Variants in ELAVL4 observed in about 807,000 individuals in gnomAD.
ELAVL4 encodes ELAV-like protein 4.
ELAVL4 carries 1 observed loss-of-function variant against 35.6 expected under a neutral mutation model. That is an observed-to-expected ratio of 0.03 (90% CI 0.01 to 0.13). ELAVL4 has a LOEUF of 0.13. Among genes scored for constraint, ELAVL4 ranks in the 10% least tolerant of loss-of-function variants. The probability of loss-of-function intolerance (pLI) is 1.00; values close to 1 mark genes in which losing one functional copy is unlikely to be tolerated. For synonymous variants in ELAVL4, 156 were observed against 171.0 expected (o/e 0.91, Z 0.69); for missense variants, 267 against 464.9 (o/e 0.57, Z 3.91).
intron 1 of ELAVL4, among the ~76,000 whole-genome samples, chr1:50,110,382 GA>G (rs1226499103): frequency 6.6e-6 from 1 of 152,168 alleles, no homozygotes; most frequent in African/African-American, 2.4e-5. Context: ...GGATGGGAAT[GA>G]GGGGTGGAGG....
At chr1:50,128,732 AG>A (rs1383390127) in intron 1 of ELAVL4, among the ~76,000 whole-genome samples, 32 of 152,122 alleles carry the variant, frequency 2.1e-4, no homozygotes, top group Admixed American at 2.1e-3. Context: ...AGTGTGGCAC[AG>A]GAGAGAACAC....
chr1:50,062,135 A>G (rs1557681415), intron 1 of ELAVL4, among the ~76,000 whole-genome samples: 3 of 152,152 alleles, frequency 2.0e-5, no homozygotes, highest in Non-Finnish European at 2.9e-5. Flanking sequence ...TATCCTTTGT[A>G]TCCCAGAAAC....
At chr1:50,153,271 T>A (rs148444720) in intron 2 of ELAVL4, among the ~76,000 whole-genome samples, 3 of 152,326 alleles carry the variant, frequency 2.0e-5, no homozygotes, top group Non-Finnish European at 4.4e-5. Context: ...GGATTCATAA[T>A]GATACAATGA....
chr1:50,184,514 A>G (rs1040269096), intron 3 of ELAVL4, among the ~76,000 whole-genome samples: 2 of 152,054 alleles, frequency 1.3e-5, no homozygotes, highest in Non-Finnish European at 2.9e-5. Flanking sequence ...CTAGTGTCTT[A>G]TGTCCCATTC....
intron 3 of ELAVL4, among the ~76,000 whole-genome samples, chr1:50,191,815 A>C (rs1265042710): frequency 6.6e-6 from 1 of 152,306 alleles, no homozygotes; most frequent in East Asian, 1.9e-4. Context: ...CAAAGGTATA[A>C]AGGTGGTAGG....
At chr1:50,127,059 T>G (rs753033860) in intron 1 of ELAVL4, among the ~76,000 whole-genome samples, 1 of 151,992 alleles carries the variant, frequency 6.6e-6, no homozygotes, top group Non-Finnish European at 1.5e-5. Flanking sequence ...AAAAAAGCAT[T>G]TTAAAATAAA....
At chr1:50,143,330 T>C (rs1024638857) in intron 1 of ELAVL4, among the ~76,000 whole-genome samples, 6 of 152,228 alleles carry the variant, frequency 3.9e-5, no homozygotes, top group Admixed American at 3.9e-4. Flanking sequence ...AAGCTACTAG[T>C]TATCAGATGT....
At chr1:50,185,313 G>C (rs1258027287) in intron 3 of ELAVL4, among the ~76,000 whole-genome samples, 2 of 152,182 alleles carry the variant, frequency 1.3e-5, no homozygotes, top group Non-Finnish European at 2.9e-5. Flanking sequence ...GGATGACCTT[G>C]GGCAACTTAC....
At chr1:50,149,795 G>T (rs753907042) in intron 2 of ELAVL4, among the ~76,000 whole-genome samples, 1 of 152,126 alleles carries the variant, frequency 6.6e-6, no homozygotes, top group Non-Finnish European at 1.5e-5. Flanking sequence ...GCCTGCCTCG[G>T]CCTCCCAACG....
chr1:50,065,130 A>AC (rs1454518931), intron 1 of ELAVL4, among the ~76,000 whole-genome samples: 2 of 151,978 alleles, frequency 1.3e-5, no homozygotes, highest in Non-Finnish European at 2.9e-5. Context: ...CAGTCTGCTC[A>AC]CCCCCCACCT....
chr1:50,185,977 C>A (rs932403319), intron 3 of ELAVL4, among the ~76,000 whole-genome samples: 2 of 152,094 alleles, frequency 1.3e-5, no homozygotes, highest in Non-Finnish European at 2.9e-5. Context: ...GGCCATGAGA[C>A]CTTTACACAG....
intron 2 of ELAVL4, among the ~76,000 whole-genome samples, chr1:50,173,026 C>T (rs181811704): frequency 3.9e-5 from 6 of 152,186 alleles, no homozygotes; most frequent in Non-Finnish European, 7.4e-5. Context: ...CCTCTTTTCC[C>T]CCTCTTCCCC....
intron 1 of ELAVL4, among the ~76,000 whole-genome samples, chr1:50,061,587 G>A (rs1420284708): frequency 6.6e-6 from 1 of 152,168 alleles, no homozygotes; most frequent in Non-Finnish European, 1.5e-5. Flanking sequence ...CCCTCATGGA[G>A]GTGCACCATT....
At chr1:50,169,427 C>A (rs1445623768) in intron 2 of ELAVL4, among the ~76,000 whole-genome samples, 1 of 152,108 alleles carries the variant, frequency 6.6e-6, no homozygotes, top group African/African-American at 2.4e-5. Context: ...AATCGCAACT[C>A]CACCCCCTAC....
At chr1:50,192,646 T>C (rs1049219051) in intron 3 of ELAVL4, among the ~76,000 whole-genome samples, 3 of 151,884 alleles carry the variant, frequency 2.0e-5, no homozygotes, top group African/African-American at 4.8e-5. Context: ...CGCTAAGGCA[T>C]ATAGGTCTCT....
rs376637760 is a variant in ELAVL4, at chr1:50,053,631, A to T, written c.18+5449A>T. Among the ~76,000 whole-genome samples, 52 of 152,254 alleles carry T rather than the reference A, an allele frequency of 3.4e-4. 1 individual carries two copies. In the South Asian group the frequency reaches 9.5e-3, roughly 28 times the overall value. ...TCTCAAAGTGCTGGGATTATAGGCA[A>T]GATTGATTGATAGATTCAGTGAATG... On this transcript the variant is annotated intron_variant, in intron 1 of 6. Transcript: ENST00000448907.
intron 3 of ELAVL4, chr1:50,179,707 T>G (rs1358608522): frequency 6.6e-6 from 1 of 152,210 alleles, no homozygotes; most frequent in Non-Finnish European, 1.5e-5. Context: ...CTAGTACATG[T>G]TTGTGAACTT....
At chr1:50,157,018 A>C (rs1675880022) in intron 2 of ELAVL4, among the ~76,000 whole-genome samples, 1 of 152,212 alleles carries the variant, frequency 6.6e-6, no homozygotes, top group Non-Finnish European at 1.5e-5. Flanking sequence ...AAAATATCAT[A>C]AGTTGAAAAT....
chr1:50,094,773 T>TAAATAAAC (rs1228105180), intron 1 of ELAVL4, among the ~76,000 whole-genome samples: 1 of 150,342 alleles, frequency 6.7e-6, no homozygotes, highest in Non-Finnish European at 1.5e-5. Flanking sequence ...AATAAATAAA[T>TAAATAAAC]AAATAAATTA....
Sources: gnomAD v4.1 joint callset for allele counts (sites outside exome capture counted in the v4.1 genomes callset) on GRCh38, gnomAD v4.1.1 for gene constraint, MANE v1.5 for transcripts, NCBI Gene and HGNC (gene_info 2026-07-23, HGNC 2026-07-21) for gene names.